The following ZNF98 variants were observed in gnomAD, a reference collection of about 807,000 sequenced individuals.
ZNF98 encodes zinc finger protein 739.
ZNF98 carries 8 observed loss-of-function variants against 12.8 expected under a neutral mutation model. The observed-to-expected ratio is 0.63, with a 90% confidence interval of 0.37 to 1.13. ZNF98 has a LOEUF of 1.13. ZNF98 is among the 50% of genes most tolerant of loss of function. The probability of loss-of-function intolerance (pLI) is 0.01; values close to 1 mark genes in which losing one functional copy is unlikely to be tolerated. For synonymous variants in ZNF98, 112 were observed against 223.5 expected (o/e 0.50, Z 4.45); for missense variants, 379 against 666.1 (o/e 0.57, Z 4.74).
Position 22,422,149 on chromosome 19 carries a change from A to C in ZNF98, c.30+46T>G, listed in dbSNP as rs779068680. ...CCACAGCCTCTTCCCACCGGTTCCA[A>C]CCAGCCCCTTCTCCTCTCTAGGGAT... is the stretch of plus-strand genomic sequence containing the variant. On this transcript the variant is annotated intron_variant, in intron 1 of 3. Coordinates refer to ENST00000357774, the MANE Select transcript of ZNF98 (RefSeq NM_001098626.2). 3.7e-6 allele frequency: 6 copies of C among 1,611,622 alleles called. No homozygotes were observed. In the African/African-American group the frequency reaches 8.0e-5, roughly 22 times the overall value.
chr19:22,402,049 G>A (rs1379455733), intron 3 of ZNF98, among the ~76,000 whole-genome samples: 2 of 149,970 alleles, frequency 1.3e-5, no homozygotes, highest in South Asian at 2.1e-4. Flanking sequence ...GGTGGCTCGC[G>A]CCTGTATTCC....
At chr19:22,399,511 A>G (rs397834849) in intron 3 of ZNF98, among the ~76,000 whole-genome samples, 38 of 152,264 alleles carry the variant, frequency 2.5e-4, no homozygotes, top group Admixed American at 1.5e-3. Context: ...TCTGATATAT[A>G]AAACAAATAT....
intron 3 of ZNF98, among the ~76,000 whole-genome samples, chr19:22,399,217 T>C (rs116583417): frequency 0.019 from 2,866 of 152,264 alleles, 94 homozygotes; most frequent in African/African-American, 0.065. Context: ...ACTGGAATAT[T>C]TTACTGTAAC....
intron 1 of ZNF98, among the ~76,000 whole-genome samples, chr19:22,416,447 TG>T (rs758650677): frequency 8.8e-5 from 13 of 147,792 alleles, no homozygotes; most frequent in Non-Finnish European, 1.9e-4. Flanking sequence ...CCAGCCTGCG[TG>T]ACAGAGCAAG....
chr19:22,421,034 A>G (rs1599392845), intron 1 of ZNF98, among the ~76,000 whole-genome samples: 1 of 152,124 alleles, frequency 6.6e-6, no homozygotes, highest in Admixed American at 6.6e-5. Flanking sequence ...ATAAAGTGCA[A>G]TGCTATTTCC....
chr19:22,411,563 A>G (rs1189624006), intron 1 of ZNF98, among the ~76,000 whole-genome samples: 1 of 152,242 alleles, frequency 6.6e-6, no homozygotes, highest in Non-Finnish European at 1.5e-5. Flanking sequence ...TCTTTGCCAA[A>G]GCAAAAACAA....
At chr19:22,400,305 TGCCTATGTAG>T (rs1360099679) in intron 3 of ZNF98, among the ~76,000 whole-genome samples, 1 of 152,192 alleles carries the variant, frequency 6.6e-6, no homozygotes, top group Non-Finnish European at 1.5e-5. Flanking sequence ...TGGCAAGTTC[TGCCTATGTAG>T]AAACCCACAC....
chr19:22,405,196 C>T (rs1969505910), intron 1 of ZNF98, among the ~76,000 whole-genome samples: 1 of 148,408 alleles, frequency 6.7e-6, no homozygotes, highest in Non-Finnish European at 1.5e-5. Flanking sequence ...AAAAGTAAAG[C>T]TTTGCAAGTA....
chr19:22,409,670 C>T (rs975484488), intron 1 of ZNF98, among the ~76,000 whole-genome samples: 2 of 152,062 alleles, frequency 1.3e-5, no homozygotes, highest in African/African-American at 2.4e-5. Flanking sequence ...CCACCACTTT[C>T]GGAGGCCGAG....
chr19:22,403,892 A>G (rs574249506), intron 1 of ZNF98, among the ~76,000 whole-genome samples: 3 of 152,280 alleles, frequency 2.0e-5, no homozygotes, highest in Non-Finnish European at 4.4e-5. Flanking sequence ...AATGTGTAAA[A>G]TAAACTGGAG....
chr19:22,403,843 G>C (rs1301579495), intron 1 of ZNF98, among the ~76,000 whole-genome samples: 1 of 152,204 alleles, frequency 6.6e-6, no homozygotes, highest in Non-Finnish European at 1.5e-5. Context: ...TTTTCAGATG[G>C]AAAAGACATA....
intron 3 of ZNF98, among the ~76,000 whole-genome samples, chr19:22,394,999 C>T (rs529504284): frequency 6.6e-6 from 1 of 151,608 alleles, no homozygotes; most frequent in African/African-American, 2.4e-5. Flanking sequence ...ATAGTGAAAC[C>T]CTGTCTCTAC....
In ZNF98 at chr19:22,403,497, T is replaced by G; in HGVS notation, c.46A>C (p.Arg16=). 2 of 1,602,296 alleles carry G rather than the reference T, an allele frequency of 1.2e-6. No homozygotes were observed. Among genetic ancestry groups the G allele is most frequent in the Non-Finnish European group, 1.7e-6 (2 of 1,177,058 alleles). Reference sequence around the variant, plus strand: ...AGAGAGAATTCTAAGGCCACATCCCTAAATGTCAACACTCCCTGAAAAACA... The same window carrying G: ...AGAGAGAATTCTAAGGCCACATCCCGAAATGTCAACACTCCCTGAAAAACA... ...GSLEMGVLTF[R]DVALEFSLEE... The change falls in exon 2 of 4, where the codon AGG becomes CGG. Residue 16 remains arginine, a synonymous_variant. Transcript: ENST00000357774.
In ZNF98 at chr19:22,402,645, A is replaced by G. The variant is rs537345449; in HGVS notation, c.253+144T>C. 10 of 968,442 alleles carry G rather than the reference A, an allele frequency of 1.0e-5. No individual in the cohort carries two copies. In the African/African-American group the frequency reaches 1.7e-4, roughly 17 times the overall value. The allele number at this position is 968,442 out of a possible 1,614,324, so 60.0% of individuals were successfully genotyped here. ...ACAGAAGATGCTTCTATGTGAAAGCAAAATTTAAAAAATTCAAGTTTCCTA... is the reference window on the plus strand; with the variant it reads ...ACAGAAGATGCTTCTATGTGAAAGCGAAATTTAAAAAATTCAAGTTTCCTA... On this transcript the variant is annotated intron_variant, in intron 3 of 3. Transcript: ENST00000357774.
At chr19:22,396,170 T>G (rs1599383984) in intron 3 of ZNF98, among the ~76,000 whole-genome samples, 6 of 152,188 alleles carry the variant, frequency 3.9e-5, no homozygotes, top group Admixed American at 3.9e-4. Flanking sequence ...TATCTCTAAA[T>G]TTTGAAAAAT....
intron 1 of ZNF98, among the ~76,000 whole-genome samples, chr19:22,406,347 G>A (rs920597541): frequency 6.6e-6 from 1 of 152,020 alleles, no homozygotes; most frequent in Non-Finnish European, 1.5e-5. Flanking sequence ...AATAGGGCCT[G>A]AAGTGAACCC....
chr19:22,391,403 G>A lies in ZNF98; in HGVS notation c.*113C>T. 2 of 1,482,894 alleles carry A rather than the reference G, an allele frequency of 1.3e-6. No individual in the cohort carries two copies. The highest frequency in any genetic ancestry group is 1.4e-5 in the South Asian group (1 of 69,642). 91.9% of individuals were successfully genotyped at this position (1,482,894 alleles called of 1,614,324 possible). ...TCCTGTGCAATAAGGTTTGAGCATT[G>A]TGTAAGTTTTGCCACACTGTTCACA... On this transcript the variant is annotated 3_prime_UTR_variant, in exon 4 of 4. Coordinates refer to ENST00000357774, the MANE Select transcript of ZNF98 (RefSeq NM_001098626.2).
At chr19:22,400,726 G>T (rs548068279) in intron 3 of ZNF98, among the ~76,000 whole-genome samples, 9 of 151,978 alleles carry the variant, frequency 5.9e-5, no homozygotes, top group African/African-American at 2.2e-4. Flanking sequence ...AGGCCAAGGC[G>T]GGTGGATCAC....
At chr19:22,412,130 A>G (rs1040756802) in intron 1 of ZNF98, among the ~76,000 whole-genome samples, 5 of 152,242 alleles carry the variant, frequency 3.3e-5, no homozygotes, top group African/African-American at 1.2e-4. Context: ...CAGTCTTCTC[A>G]TCATTACGTG....
Sources: gnomAD v4.1 joint callset for allele counts (sites outside exome capture counted in the v4.1 genomes callset) on GRCh38, gnomAD v4.1.1 for gene constraint, MANE v1.5 for transcripts, NCBI Gene and HGNC (gene_info 2026-07-23, HGNC 2026-07-21) for gene names.